Variants in ARHGEF28 observed in about 807,000 individuals in gnomAD.
The protein encoded by ARHGEF28 is 190 kDa guanine nucleotide exchange factor.
ARHGEF28 carries 152 observed loss-of-function variants against 206.6 expected under a neutral mutation model. The ratio of observed to expected loss-of-function variants is 0.74; its 90% confidence interval spans 0.64 to 0.84. ARHGEF28 has a LOEUF of 0.84. Ranked by LOEUF, ARHGEF28 falls within the 40% of genes least tolerant of loss-of-function variation. The pLI, the probability that ARHGEF28 is intolerant of heterozygous loss-of-function variation, is 0.00. For missense variants in ARHGEF28, 2,028 were observed against 2,073.2 expected, an observed-to-expected ratio of 0.98 and a Z score of 0.42; for synonymous variants, 763 against 776.4, an observed-to-expected ratio of 0.98 and a Z score of 0.29.
chr5:73,895,517 T>C (rs903663281), intron 29 of ARHGEF28, among the ~76,000 whole-genome samples: 2 of 151,102 alleles, frequency 1.3e-5, no homozygotes, highest in Non-Finnish European at 3.0e-5. Context: ...CAGAAAGGAG[T>C]TGAAGGGAGA....
chr5:73,663,020 A>G (rs1267447087), intron 1 of ARHGEF28, among the ~76,000 whole-genome samples: 1 of 152,134 alleles, frequency 6.6e-6, no homozygotes, highest in Non-Finnish European at 1.5e-5. Context: ...CAATGGCCCA[A>G]TCTCGGTTAA....
chr5:73,796,996 GT>G (rs1754862433), intron 9 of ARHGEF28, among the ~76,000 whole-genome samples: 1 of 152,172 alleles, frequency 6.6e-6, no homozygotes. Context: ...TTAATTTCAG[GT>G]TTTAAAAACT....
intron 26 of ARHGEF28, among the ~76,000 whole-genome samples, chr5:73,889,578 G>T (rs1315595430): frequency 5.9e-5 from 9 of 152,220 alleles, no homozygotes; most frequent in African/African-American, 2.2e-4. Flanking sequence ...CAAATAGGAA[G>T]CAGCTTTAAA....
chr5:73,747,249 T>C (rs1751768515), intron 2 of ARHGEF28, among the ~76,000 whole-genome samples: 2 of 152,170 alleles, frequency 1.3e-5, no homozygotes, highest in Non-Finnish European at 2.9e-5. Flanking sequence ...TGGATCCAGA[T>C]GGGGAACTGA....
chr5:73,906,533 C>G (rs143811748), intron 33 of ARHGEF28, among the ~76,000 whole-genome samples: 34 of 152,288 alleles, frequency 2.2e-4, no homozygotes, highest in African/African-American at 8.2e-4. Flanking sequence ...CACAAGAGCT[C>G]TTAAACAAGT....
chr5:73,827,832 A>G (rs1305288663), intron 9 of ARHGEF28, among the ~76,000 whole-genome samples: 2 of 152,242 alleles, frequency 1.3e-5, no homozygotes, highest in South Asian at 2.1e-4. Context: ...GCATTAATTT[A>G]AAACAAGTAG....
At chr5:73,828,061 G>C (rs1435474017) in intron 9 of ARHGEF28, 1 of 152,068 alleles carries the variant, frequency 6.6e-6, no homozygotes, top group Non-Finnish European at 1.5e-5. Context: ...ATTTGAAAAG[G>C]GCTGTAACAC....
intron 2 of ARHGEF28, among the ~76,000 whole-genome samples, chr5:73,689,727 A>G (rs1747694626): frequency 1.3e-5 from 2 of 152,098 alleles, no homozygotes; most frequent in Admixed American, 1.3e-4. Flanking sequence ...AAGAAACTGA[A>G]GGAGCAGCAC....
At chr5:73,927,103 A>G (rs900564790) in intron 35 of ARHGEF28, among the ~76,000 whole-genome samples, 2 of 152,176 alleles carry the variant, frequency 1.3e-5, no homozygotes, top group African/African-American at 4.8e-5. Context: ...GCTCATGCCT[A>G]TAACCTCAAC....
chr5:73,726,053 CCT>C (rs375116381), intron 2 of ARHGEF28, among the ~76,000 whole-genome samples: 1 of 152,094 alleles, frequency 6.6e-6, no homozygotes, highest in African/African-American at 2.4e-5. Flanking sequence ...GCAGTTTCCC[CCT>C]GTGTTGAGTG....
intron 2 of ARHGEF28, among the ~76,000 whole-genome samples, chr5:73,718,694 A>G (rs1749737592): frequency 6.6e-6 from 1 of 152,118 alleles, no homozygotes; most frequent in Admixed American, 6.5e-5. Context: ...TCTCTGTCAC[A>G]TTCTCCATAC....
chr5:73,819,864 GC>G (rs1264876460), intron 9 of ARHGEF28, among the ~76,000 whole-genome samples: 3 of 152,150 alleles, frequency 2.0e-5, no homozygotes, highest in Non-Finnish European at 2.9e-5. Context: ...TTAAGATGCA[GC>G]TTGAGTGTAC....
At chr5:73,826,344 A>C (rs1002926473) in intron 9 of ARHGEF28, among the ~76,000 whole-genome samples, 8 of 152,272 alleles carry the variant, frequency 5.3e-5, no homozygotes, top group Non-Finnish European at 1.0e-4. Flanking sequence ...TCTGCTGTTC[A>C]TAAAGGTCTA....
At chr5:73,638,133 T>A (rs1743843956) in intron 1 of ARHGEF28, among the ~76,000 whole-genome samples, 1 of 152,234 alleles carries the variant, frequency 6.6e-6, no homozygotes, top group Non-Finnish European at 1.5e-5. Context: ...TTTTTGAACA[T>A]ACATAATTAC....
At chr5:73,678,421 T>C (rs1746837458) in intron 1 of ARHGEF28, among the ~76,000 whole-genome samples, 1 of 152,252 alleles carries the variant, frequency 6.6e-6, no homozygotes, top group Non-Finnish European at 1.5e-5. Flanking sequence ...AGTTATTGGC[T>C]ATAAAGTGAA....
chr5:73,702,780 A>T (rs538035026), intron 2 of ARHGEF28, among the ~76,000 whole-genome samples: 1 of 152,188 alleles, frequency 6.6e-6, no homozygotes, highest in Non-Finnish European at 1.5e-5. Context: ...GAGATATTTG[A>T]AATGATTATG....
chr5:73,835,855 C>T (rs975503541), intron 10 of ARHGEF28, among the ~76,000 whole-genome samples: 3 of 152,044 alleles, frequency 2.0e-5, no homozygotes, highest in Non-Finnish European at 2.9e-5. Flanking sequence ...TCGATAGTGC[C>T]AGAATTGAAT....
At chr5:73,852,466 T>G (rs1475488647) in intron 13 of ARHGEF28, among the ~76,000 whole-genome samples, 184 bp from the exon 14 acceptor site, 2 of 152,158 alleles carry the variant, frequency 1.3e-5, no homozygotes, top group African/African-American at 4.8e-5. Flanking sequence ...CTCTTTAAAT[T>G]ACAGAAAGTG....
intron 4 of ARHGEF28, among the ~76,000 whole-genome samples, chr5:73,759,223 G>C (rs568656928): frequency 2.0e-5 from 3 of 152,174 alleles, no homozygotes; most frequent in African/African-American, 7.2e-5. Flanking sequence ...AACACCAATA[G>C]AGTTATAACA....
Sources: allele counts gnomAD v4.1 joint callset (sites outside exome capture counted in the v4.1 genomes callset), GRCh38; gene constraint gnomAD v4.1.1; transcripts MANE v1.5; gene names NCBI Gene and HGNC (gene_info 2026-07-23, HGNC 2026-07-21).